Variants in TAFA4 observed in about 807,000 individuals in gnomAD.
The protein encoded by TAFA4 is chemokine-like protein TAFA-4.
TAFA4 carries 20 observed loss-of-function variants against 21.1 expected under a neutral mutation model. The observed-to-expected ratio is 0.95, with a 90% CI of 0.67 to 1.38. The LOEUF is 1.38. TAFA4 is among the 40% of genes most tolerant of loss of function. The pLI is 0.00. For synonymous variants in TAFA4, 71 were observed against 67.4 expected, an observed-to-expected ratio of 1.05 and a Z score of -0.26; for missense variants, 211 against 180.9, an observed-to-expected ratio of 1.17 and a Z score of -0.95.
chr3:68,802,680 T>C (rs1026566533), intron 3 of TAFA4, among the ~76,000 whole-genome samples: 3 of 152,138 alleles, frequency 2.0e-5, no homozygotes, highest in Non-Finnish European at 2.9e-5. Flanking sequence ...CAAAACACAA[T>C]AGTGCTGAAC....
At chr3:68,918,754 T>C (rs1055503831) in intron 1 of TAFA4, among the ~76,000 whole-genome samples, 4 of 152,182 alleles carry the variant, frequency 2.6e-5, no homozygotes, top group African/African-American at 9.7e-5. Flanking sequence ...TTGCCCAGAT[T>C]GGTCTCGAAC....
At chr3:68,739,818 A>C (rs938214637) in intron 4 of TAFA4, among the ~76,000 whole-genome samples, 2 of 152,218 alleles carry the variant, frequency 1.3e-5, no homozygotes, top group Non-Finnish European at 2.9e-5. Context: ...TGAGAGCTGA[A>C]TAATGTGTAC....
chr3:68,810,870 C>T (rs184696618), intron 3 of TAFA4, among the ~76,000 whole-genome samples: 1 of 152,194 alleles, frequency 6.6e-6, no homozygotes, highest in African/African-American at 2.4e-5. Context: ...GGACAGACTG[C>T]AACCTCAAGT....
At chr3:68,907,064 G>A (rs2089907982) in intron 1 of TAFA4, among the ~76,000 whole-genome samples, 1 of 150,208 alleles carries the variant, frequency 6.7e-6, no homozygotes, top group South Asian at 2.1e-4. Context: ...AAAGCCAGGG[G>A]TGGAAGGGGA....
At chr3:68,770,383 C>G (rs1027944771) in intron 3 of TAFA4, among the ~76,000 whole-genome samples, 3 of 152,110 alleles carry the variant, frequency 2.0e-5, no homozygotes, top group Non-Finnish European at 2.9e-5. Flanking sequence ...AAGAGTCTAG[C>G]AGGAAATACC....
At chr3:68,859,458 G>A (rs1351501752) in intron 3 of TAFA4, among the ~76,000 whole-genome samples, 2 of 152,090 alleles carry the variant, frequency 1.3e-5, no homozygotes, top group Non-Finnish European at 2.9e-5. Context: ...TTGTTTAACA[G>A]AACTCAGTCT....
At chr3:68,850,380 G>A (rs998277393) in intron 3 of TAFA4, among the ~76,000 whole-genome samples, 3 of 152,178 alleles carry the variant, frequency 2.0e-5, no homozygotes, top group Admixed American at 6.5e-5. Flanking sequence ...ATATGTCTTA[G>A]TGAGGGACAA....
rs1702179047 is a variant in TAFA4 at position 68,733,121 on chromosome 3, T to A, written c.*21A>T. On this transcript the variant is annotated 3_prime_UTR_variant, in exon 6 of 6. Coordinates refer to ENST00000295569, the MANE Select transcript of TAFA4 (RefSeq NM_182522.5). ...CCGCCTCCTGCTGCCCCTCCAGGATTGAAGCACACCTCTCTCTTCGCTACC... is the reference window on the plus strand; with the variant it reads ...CCGCCTCCTGCTGCCCCTCCAGGATAGAAGCACACCTCTCTCTTCGCTACC... 7.4e-6 allele frequency: 12 copies of A among 1,612,930 alleles called. No homozygotes were observed. Among genetic ancestry groups the A allele is most frequent in the Non-Finnish European group, 1.0e-5 (12 of 1,179,390 alleles).
chr3:68,782,944 A>C (rs1248042978), intron 3 of TAFA4, among the ~76,000 whole-genome samples: 1 of 152,246 alleles, frequency 6.6e-6, no homozygotes, highest in Non-Finnish European at 1.5e-5. Context: ...AGTATATAAA[A>C]ATAATAATAT....
intron 5 of TAFA4, among the ~76,000 whole-genome samples, chr3:68,738,467 A>C (rs1702284401): frequency 6.6e-6 from 1 of 152,202 alleles, no homozygotes; most frequent in Admixed American, 6.5e-5. Flanking sequence ...TCTCCATATG[A>C]GATGGCAGAT....
At chr3:68,918,809 G>A (rs1165120355) in intron 1 of TAFA4, among the ~76,000 whole-genome samples, 1 of 152,174 alleles carries the variant, frequency 6.6e-6, no homozygotes, top group Non-Finnish European at 1.5e-5. Context: ...CCAAAGTGCT[G>A]GGATCACAGG....
intron 3 of TAFA4, among the ~76,000 whole-genome samples, chr3:68,797,518 C>T (rs1703476034): frequency 6.8e-6 from 1 of 147,376 alleles, no homozygotes; most frequent in Non-Finnish European, 1.5e-5. Context: ...GAGGCTGAGG[C>T]AGGAGAATCA....
intron 4 of TAFA4, among the ~76,000 whole-genome samples, chr3:68,741,253 T>C (rs1702345991): frequency 6.6e-6 from 1 of 152,220 alleles, no homozygotes; most frequent in Admixed American, 6.5e-5. Context: ...TAACAATATT[T>C]TTCCAATCCA....
intron 3 of TAFA4, among the ~76,000 whole-genome samples, chr3:68,759,349 G>A (rs372937433): frequency 3.9e-5 from 6 of 152,180 alleles, no homozygotes; most frequent in East Asian, 3.9e-4. Flanking sequence ...GTACCTCATG[G>A]CCCAGTCAAG....
At chr3:68,905,148 G>A (rs2089886538) in intron 1 of TAFA4, among the ~76,000 whole-genome samples, 1 of 128,842 alleles carries the variant, frequency 7.8e-6, no homozygotes, top group Non-Finnish European at 1.6e-5. Context: ...CAAGATTTCT[G>A]CCTTTTTTTT....
At chr3:68,804,893 G>A (rs1489994740) in intron 3 of TAFA4, among the ~76,000 whole-genome samples, 1 of 152,162 alleles carries the variant, frequency 6.6e-6, no homozygotes, top group Non-Finnish European at 1.5e-5. Context: ...ATAGGCATGG[G>A]CAAGGACTTC....
At chr3:68,821,073 G>A (rs1396668607) in intron 3 of TAFA4, among the ~76,000 whole-genome samples, 1 of 152,156 alleles carries the variant, frequency 6.6e-6, no homozygotes, top group East Asian at 1.9e-4. Flanking sequence ...AATGTGCTGT[G>A]TGTTTTAACA....
At chr3:68,853,641 T>A (rs1704999367) in intron 3 of TAFA4, among the ~76,000 whole-genome samples, 1 of 152,188 alleles carries the variant, frequency 6.6e-6, no homozygotes, top group Non-Finnish European at 1.5e-5. Flanking sequence ...CTGTTTTCCA[T>A]AATATGCCCC....
intron 1 of TAFA4, among the ~76,000 whole-genome samples, chr3:68,888,491 C>G (rs2089696976): frequency 1.3e-5 from 2 of 152,288 alleles, no homozygotes; most frequent in South Asian, 4.1e-4. Flanking sequence ...TTACCCAACT[C>G]CAAAGCTGCT....
Sources: allele counts gnomAD v4.1 joint callset (sites outside exome capture counted in the v4.1 genomes callset), GRCh38; gene constraint gnomAD v4.1.1; transcripts MANE v1.5; gene names NCBI Gene and HGNC (gene_info 2026-07-23, HGNC 2026-07-21).